The following GPR158 variants were observed in gnomAD, a reference collection of about 807,000 sequenced individuals.
GPR158 encodes G protein-coupled receptor 158, also known as metabotropic glycine receptor.
In GPR158, 30 loss-of-function variants were observed where a neutral mutation model predicts 78.2. The ratio of observed to expected loss-of-function variants is 0.38; its 90% CI spans 0.29 to 0.52. The LOEUF is 0.52. Among genes scored for constraint, GPR158 ranks in the 20% least tolerant of loss-of-function variants. GPR158 has a pLI of 0.83. For synonymous variants in GPR158, 581 were observed against 591.1 expected (o/e 0.98, Z 0.25); for missense variants, 1,463 against 1,523.5 (o/e 0.96, Z 0.66).
At chr10:25,397,002 A>G (rs1834369785) in intron 3 of GPR158, among the ~76,000 whole-genome samples, 1 of 152,098 alleles carries the variant, frequency 6.6e-6, no homozygotes, top group Admixed American at 6.6e-5. Context: ...CTTTCACAAC[A>G]TGGCTGATTC....
intron 5 of GPR158, among the ~76,000 whole-genome samples, chr10:25,480,181 C>T (rs2130635125): frequency 6.6e-6 from 1 of 152,220 alleles, no homozygotes; most frequent in South Asian, 2.1e-4. Flanking sequence ...GAATTACCTA[C>T]TTGAATCTTT....
In GPR158 at chr10:25,457,574, G is replaced by A. The variant is rs114489518; in HGVS notation, c.1336-9077G>A. 9.5e-3 allele frequency among the ~76,000 whole-genome samples: 1,446 copies of A among 152,092 alleles called. 23 individuals carry two copies. Among genetic ancestry groups the A allele is most frequent in the African/African-American group, 0.034 (1,390 of 41,488 alleles). ...AGCAGCTAATTTTGCATATTTTTAC[G>A]GTGAAGCCATCGGAAAAATGAGGCC... is the stretch of plus-strand genomic sequence containing the variant. On this transcript the variant is annotated intron_variant, in intron 4 of 10. Transcript: ENST00000376351.
intron 1 of GPR158, among the ~76,000 whole-genome samples, chr10:25,216,218 G>A (rs1019964104): frequency 6.6e-6 from 1 of 152,154 alleles, no homozygotes; most frequent in Non-Finnish European, 1.5e-5. Context: ...ATGACTGATG[G>A]CAGCTGATCT....
At chr10:25,358,391 C>T (rs1855582174) in intron 2 of GPR158, among the ~76,000 whole-genome samples, 1 of 151,980 alleles carries the variant, frequency 6.6e-6, no homozygotes, top group Non-Finnish European at 1.5e-5. Context: ...GGCTATGTGT[C>T]CCCACCCAAG....
intron 4 of GPR158, among the ~76,000 whole-genome samples, chr10:25,426,580 A>G (rs914433127): frequency 2.6e-5 from 4 of 152,098 alleles, no homozygotes; most frequent in Admixed American, 2.6e-4. Flanking sequence ...GGGGAGAGGT[A>G]CAGGAGAACT....
At chr10:25,457,497 T>C (rs1835307032) in intron 4 of GPR158, among the ~76,000 whole-genome samples, 1 of 152,038 alleles carries the variant, frequency 6.6e-6, no homozygotes, top group South Asian at 2.1e-4. Context: ...CTCTATGTAG[T>C]AGTATTGGAA....
chr10:25,534,325 C>T (rs1157714896), intron 5 of GPR158, among the ~76,000 whole-genome samples: 1 of 152,072 alleles, frequency 6.6e-6, no homozygotes, highest in Non-Finnish European at 1.5e-5. Flanking sequence ...ACAATTTAAA[C>T]ATAGACATAT....
intron 1 of GPR158, among the ~76,000 whole-genome samples, chr10:25,217,409 C>T (rs552818079): frequency 1.2e-4 from 19 of 152,202 alleles, no homozygotes; most frequent in Admixed American, 7.8e-4. Context: ...CAGTTACCAC[C>T]GAAAGACCTA....
intron 5 of GPR158, among the ~76,000 whole-genome samples, chr10:25,472,954 C>T (rs1473745860): frequency 6.6e-6 from 1 of 152,072 alleles, no homozygotes; most frequent in Admixed American, 6.6e-5. Context: ...ATTTCCTTCT[C>T]CTGCCTGATT....
At chr10:25,251,256 A>T (rs891157961) in intron 2 of GPR158, among the ~76,000 whole-genome samples, 1 of 151,804 alleles carries the variant, frequency 6.6e-6, no homozygotes, top group African/African-American at 2.4e-5. Context: ...ATGGGTCTTG[A>T]CTCTTTATCC....
intron 2 of GPR158, among the ~76,000 whole-genome samples, chr10:25,352,832 C>T (rs187828326): frequency 1.3e-5 from 2 of 152,138 alleles, no homozygotes; most frequent in East Asian, 3.9e-4. Flanking sequence ...TGAACTGTTA[C>T]TCTGTATGTT....
intron 2 of GPR158, among the ~76,000 whole-genome samples, chr10:25,291,804 G>A (rs1472946485): frequency 6.6e-6 from 1 of 151,888 alleles, no homozygotes; most frequent in Non-Finnish European, 1.5e-5. Context: ...GAGGGAAATG[G>A]AATAGCACAA....
intron 6 of GPR158, among the ~76,000 whole-genome samples, chr10:25,568,604 G>A (rs772406070): frequency 1.2e-4 from 18 of 152,174 alleles, no homozygotes; most frequent in Non-Finnish European, 2.2e-4. Flanking sequence ...CCAAGTACAA[G>A]TTCTTATGGT....
chr10:25,579,096 TATC>T (rs1370680014), intron 7 of GPR158, among the ~76,000 whole-genome samples: 4 of 151,262 alleles, frequency 2.6e-5, no homozygotes, highest in African/African-American at 9.7e-5. Flanking sequence ...GAAAACAAAG[TATC>T]ATGTCATACT....
intron 2 of GPR158, among the ~76,000 whole-genome samples, chr10:25,347,017 G>A (rs1173464151): frequency 2.0e-5 from 3 of 151,940 alleles, no homozygotes; most frequent in South Asian, 2.1e-4. Flanking sequence ...TATAATTTCC[G>A]CCTCATGGGA....
At chr10:25,254,384 A>G (rs537242890) in intron 2 of GPR158, among the ~76,000 whole-genome samples, 1 of 152,318 alleles carries the variant, frequency 6.6e-6, no homozygotes, top group South Asian at 2.1e-4. Flanking sequence ...GATCCTGAAG[A>G]ACAAAGCTTA....
chr10:25,275,219 A>G (rs1854167961), intron 2 of GPR158, among the ~76,000 whole-genome samples: 1 of 152,130 alleles, frequency 6.6e-6, no homozygotes, highest in Admixed American at 6.6e-5. Context: ...ATGTGTTTTT[A>G]AAAGTGTGGT....
rs1554793288 is a variant in GPR158, at chr10:25,316,948, T to TATATAC, written c.1009-78962_1009-78961insTATACA. 8.1e-4 allele frequency among the ~76,000 whole-genome samples: 122 copies of TATATAC among 150,840 alleles called. 1 individual carries two copies. Among genetic ancestry groups the TATATAC allele is most frequent in the African/African-American group, 2.9e-3 (119 of 41,126 alleles). On this transcript the variant is annotated intron_variant, in intron 2 of 10. Transcript: ENST00000376351. ...GTATGTGTGTGTATATATATATATATACACTCTTCCACTGTTTCATTTTCT... is the reference window on the plus strand; with the variant it reads ...GTATGTGTGTGTATATATATATATATATATACACACTCTTCCACTGTTTCATTTTCT...
intron 2 of GPR158, among the ~76,000 whole-genome samples, chr10:25,369,653 G>C (rs1409943173): frequency 1.3e-5 from 2 of 151,840 alleles, no homozygotes; most frequent in Non-Finnish European, 2.9e-5. Flanking sequence ...TCTCTGCCCA[G>C]CTTTGCTGTC....
Sources: allele counts gnomAD v4.1 joint callset (sites outside exome capture counted in the v4.1 genomes callset), GRCh38; gene constraint gnomAD v4.1.1; transcripts MANE v1.5; gene names NCBI Gene and HGNC (gene_info 2026-07-23, HGNC 2026-07-21).